The following DTNA variants were observed in gnomAD, a reference collection of about 807,000 sequenced individuals.
DTNA encodes dystrobrevin alpha, also known as dystrophin-related protein 3.
A neutral mutation model predicts 100.7 loss-of-function variants in DTNA; 43 were observed. The observed-to-expected ratio is 0.43, with a 90% confidence interval of 0.33 to 0.55. The LOEUF is 0.55. Ranked by LOEUF, DTNA falls within the 20% of genes least tolerant of loss-of-function variation. The pLI is 0.04. For synonymous variants in DTNA, 349 were observed against 347.9 expected (o/e 1.00, Z -0.04); for missense variants, 798 against 953.9 (o/e 0.84, Z 2.15).
chr18:34,687,682 G>A (rs1324027818), intron 1 of DTNA, among the ~76,000 whole-genome samples: 1 of 152,144 alleles, frequency 6.6e-6, no homozygotes, highest in Admixed American at 6.6e-5. Context: ...CTGAGTTCAA[G>A]TTCTGAATAT....
chr18:34,557,418 C>T (rs1475376081), intron 1 of DTNA, among the ~76,000 whole-genome samples: 6 of 152,018 alleles, frequency 3.9e-5, no homozygotes, highest in African/African-American at 1.5e-4. Context: ...TGAGGAACTG[C>T]GTTCCTTTGG....
At chr18:34,552,471 G>A (rs1465875276) in intron 1 of DTNA, among the ~76,000 whole-genome samples, 9 of 150,420 alleles carry the variant, frequency 6.0e-5, no homozygotes, top group Non-Finnish European at 3.0e-5. Flanking sequence ...CTGGTGCGCT[G>A]CACCCACTAA....
intron 1 of DTNA, among the ~76,000 whole-genome samples, chr18:34,625,378 G>A (rs1377866968): frequency 6.6e-6 from 1 of 152,084 alleles, no homozygotes; most frequent in Non-Finnish European, 1.5e-5. Context: ...TCACCATGTT[G>A]CCCAGGCTGG....
intron 1 of DTNA, among the ~76,000 whole-genome samples, chr18:34,716,012 T>C (rs1286963776): frequency 1.3e-5 from 2 of 152,146 alleles, no homozygotes; most frequent in African/African-American, 4.8e-5. Flanking sequence ...GGAACACATA[T>C]ACACTGCTAT....
At chr18:34,765,910 T>G (rs772762512) in intron 2 of DTNA, 51 bp from the exon 3 acceptor site, 1 of 1,574,028 alleles carries the variant, frequency 6.4e-7, no homozygotes, top group South Asian at 1.1e-5. Context: ...ACATTGTAAA[T>G]TTCTTTCTGC....
chr18:34,620,254 T>C (rs1187497234), intron 1 of DTNA, among the ~76,000 whole-genome samples: 2 of 152,182 alleles, frequency 1.3e-5, no homozygotes, highest in African/African-American at 2.4e-5. Flanking sequence ...AATTTGATGG[T>C]GTAGAAAGGA....
intron 1 of DTNA, among the ~76,000 whole-genome samples, chr18:34,615,596 G>A (rs2055104482): frequency 1.3e-5 from 2 of 152,064 alleles, no homozygotes. Flanking sequence ...AGAAGTAGAT[G>A]TACAAGTTGG....
At chr18:34,615,025 C>A (rs1184222598) in intron 1 of DTNA, among the ~76,000 whole-genome samples, 14 of 152,138 alleles carry the variant, frequency 9.2e-5, no homozygotes, top group Admixed American at 9.2e-4. Flanking sequence ...TCTTGCATTG[C>A]TATAAAGAAA....
At chr18:34,519,730 G>A (rs1393848580) in intron 1 of DTNA, among the ~76,000 whole-genome samples, 1 of 152,102 alleles carries the variant, frequency 6.6e-6, no homozygotes, top group Non-Finnish European at 1.5e-5. Context: ...TAAAAGCAAA[G>A]CAGTCTCCTC....
chr18:34,843,327 A>C (rs2096307261), intron 13 of DTNA, among the ~76,000 whole-genome samples: 1 of 152,176 alleles, frequency 6.6e-6, no homozygotes, highest in Non-Finnish European at 1.5e-5. Context: ...ATTTTTTTAA[A>C]AACTTAAAGT....
chr18:34,741,763 TAGTC>T (rs138099395), intron 1 of DTNA, among the ~76,000 whole-genome samples: 11,228 of 152,258 alleles, frequency 0.074, 474 homozygotes, highest in African/African-American at 0.089. Context: ...GTCAATATAT[TAGTC>T]AGTACTTATC....
At chr18:34,682,955 T>G (rs1480983053) in intron 1 of DTNA, among the ~76,000 whole-genome samples, 1 of 152,158 alleles carries the variant, frequency 6.6e-6, no homozygotes, top group East Asian at 1.9e-4. Context: ...GCATATCAAA[T>G]TAATGGGAAG....
intron 1 of DTNA, among the ~76,000 whole-genome samples, chr18:34,693,154 A>G (rs939619100): frequency 6.6e-6 from 1 of 152,204 alleles, no homozygotes; most frequent in Non-Finnish European, 1.5e-5. Flanking sequence ...TATACTTATA[A>G]TGATCATTCA....
chr18:34,759,402 C>T (rs1032297328), intron 2 of DTNA, among the ~76,000 whole-genome samples: 2 of 152,196 alleles, frequency 1.3e-5, no homozygotes, highest in African/African-American at 4.8e-5. Context: ...CTGCTGTGAA[C>T]TCCTTTTTAG....
rs542084053 is a variant in DTNA at position 34,605,155 on chromosome 18, G to A, written c.-2+111641G>A. ...TCTGGGTAAGAAATTAAATTATAGG[G>A]CATACAATTTTTTCTTGGAATTTTC... On this transcript the variant is annotated intron_variant, in intron 1 of 19. Transcript: ENST00000283365. Among the ~76,000 whole-genome samples the A allele has an allele frequency of 1.1e-4, 16 of 151,674 alleles. No individual in the cohort carries two copies. In the East Asian group the frequency reaches 3.1e-3, roughly 29 times the overall value.
chr18:34,749,993 G>A (rs755750881), intron 1 of DTNA, among the ~76,000 whole-genome samples: 1 of 152,178 alleles, frequency 6.6e-6, no homozygotes, highest in Non-Finnish European at 1.5e-5. Flanking sequence ...AGGAGGAAAG[G>A]AGCTTGAAAT....
intron 3 of DTNA, among the ~76,000 whole-genome samples, chr18:34,791,873 C>T (rs2094760538): frequency 6.6e-6 from 1 of 152,124 alleles, no homozygotes; most frequent in African/African-American, 2.4e-5. Context: ...GAATGCCAGC[C>T]CCATTTCATA....
chr18:34,511,417 T>C (rs1245740546), intron 1 of DTNA, among the ~76,000 whole-genome samples: 1 of 152,092 alleles, frequency 6.6e-6, no homozygotes, highest in African/African-American at 2.4e-5. Context: ...ACTTGTTGAA[T>C]ATGACAGAGC....
intron 1 of DTNA, among the ~76,000 whole-genome samples, chr18:34,533,485 G>A (rs2043362003): frequency 6.6e-6 from 1 of 151,978 alleles, no homozygotes; most frequent in Non-Finnish European, 1.5e-5. Context: ...CCACTGCTAA[G>A]TCTAGTTGGT....
Sources: gnomAD v4.1 joint callset for allele counts (sites outside exome capture counted in the v4.1 genomes callset) on GRCh38, gnomAD v4.1.1 for gene constraint, MANE v1.5 for transcripts, NCBI Gene and HGNC (gene_info 2026-07-23, HGNC 2026-07-21) for gene names.